Variants in MEGF10 observed in about 807,000 individuals in gnomAD.
MEGF10 encodes multiple EGF like domains 10.
MEGF10 carries 86 observed loss-of-function variants against 147.5 expected under a neutral mutation model. The observed-to-expected ratio is 0.58, with a 90% confidence interval of 0.49 to 0.70. The LOEUF (loss-of-function observed/expected upper bound fraction) is 0.70, where lower values mean the gene tolerates loss of function less well. Among genes scored for constraint, MEGF10 ranks in the 30% least tolerant of loss-of-function variants. The pLI is 0.00. For missense variants in MEGF10, 1,329 were observed against 1,487.3 expected, an observed-to-expected ratio of 0.89 and a Z score of 1.75; for synonymous variants, 478 against 525.5, an observed-to-expected ratio of 0.91 and a Z score of 1.24.
At chr5:127,422,134 C>T (rs1232592686) in intron 12 of MEGF10, among the ~76,000 whole-genome samples, 1 of 152,032 alleles carries the variant, frequency 6.6e-6, no homozygotes. Context: ...ACCGTTGTGT[C>T]AGGCATAAAC....
intron 1 of MEGF10, among the ~76,000 whole-genome samples, chr5:127,322,996 C>A (rs1760851165): frequency 6.6e-6 from 1 of 151,852 alleles, no homozygotes; most frequent in Non-Finnish European, 1.5e-5. Flanking sequence ...TACGCACAAA[C>A]ACACACATTG....
At chr5:127,254,827 G>A in the MEGF10 span, among the ~76,000 whole-genome samples, 1 of 151,168 alleles carries the variant, frequency 6.6e-6, no homozygotes, top group Admixed American at 6.6e-5. Flanking sequence ...AAAAAAAGTT[G>A]CTTTGTTATT....
chr5:127,391,632 C>CT (rs564923653), intron 5 of MEGF10, among the ~76,000 whole-genome samples: 131 of 151,394 alleles, frequency 8.7e-4, no homozygotes, highest in Non-Finnish European at 1.5e-3. Flanking sequence ...ACCATTATCA[C>CT]TGTAAGTATC....
At chr5:127,405,328 C>A (rs964576204) in intron 8 of MEGF10, among the ~76,000 whole-genome samples, 1 of 152,020 alleles carries the variant, frequency 6.6e-6, no homozygotes, top group Non-Finnish European at 1.5e-5. Flanking sequence ...TTGTTGCCTC[C>A]TGCCTCCAAC....
At chr5:127,236,109 A>G in the MEGF10 span, among the ~76,000 whole-genome samples, 1 of 152,038 alleles carries the variant, frequency 6.6e-6, no homozygotes, top group East Asian at 1.9e-4. Flanking sequence ...AGTAGCTGGG[A>G]CTACAGGCAC....
At chr5:127,286,578 T>A (rs1414425747), upstream of MEGF10, among the ~76,000 whole-genome samples, 2 of 151,896 alleles carry the variant, frequency 1.3e-5, no homozygotes, top group East Asian at 1.9e-4. Context: ...ATGGTTACAG[T>A]AATTATTAGA....
chr5:127,448,758 A>G (rs1002194603), intron 21 of MEGF10, among the ~76,000 whole-genome samples: 1 of 151,802 alleles, frequency 6.6e-6, no homozygotes, highest in African/African-American at 2.4e-5. Context: ...ACAAACATAC[A>G]ATTTTTGATG....
At chr5:127,454,636 T>A (rs748819539) in intron 23 of MEGF10, 26 bp downstream of exon 23, 1 of 1,586,808 alleles carries the variant, frequency 6.3e-7, no homozygotes, top group Non-Finnish European at 8.6e-7. Flanking sequence ...GAAGAAGAAA[T>A]CAGAAGCACA....
Position 127,360,862 on chromosome 5 carries a change from G to GTA in MEGF10, c.320-9047_320-9046insAT, listed in dbSNP as rs201793273. ...TATATATGTGTGTATATATATGTGT[G>GTA]TGTATATATATATATATGTTGGAAC... is the stretch of plus-strand genomic sequence containing the variant. On this transcript the variant is annotated intron_variant, in intron 4 of 24. Transcript: ENST00000503335. Among the ~76,000 whole-genome samples, 39 of 151,588 alleles carry GTA rather than the reference G, an allele frequency of 2.6e-4. 1 individual carries two copies. Among genetic ancestry groups the GTA allele is most frequent in the African/African-American group, 7.0e-4 (29 of 41,300 alleles).
At position 127,396,775 on chromosome 5, in the gene MEGF10, C is replaced by T. The variant is rs945019709; in HGVS notation, c.656C>T (p.Ala219Val). The change falls in exon 6 of 25, where the codon GCC becomes GTC. Residue 219 changes from alanine to valine, a missense_variant. Coordinates refer to ENST00000503335, the MANE Select transcript of MEGF10 (RefSeq NM_001256545.2). ...CGCTGCCCACCAGGATACACCGGAG[C>T]CTTGTAAGTCACATGCTGCCCAGCA... ...ECRCPPGYTG[A>V]FCEDLCPPGK... 1.6e-5 allele frequency: 25 copies of T among 1,612,096 alleles called. No individual in the cohort carries two copies. The African/African-American group carries it at 1.9e-4, about 12-fold the overall frequency.
At chr5:127,428,783 G>T (rs544428945) in intron 13 of MEGF10, among the ~76,000 whole-genome samples, 3 of 152,316 alleles carry the variant, frequency 2.0e-5, no homozygotes, top group Non-Finnish European at 2.9e-5. Flanking sequence ...AGGATTTGGG[G>T]TTATATCTAT....
At chr5:127,391,100 G>GCACACACACACACACACACACA (rs1173924866) in intron 5 of MEGF10, among the ~76,000 whole-genome samples, 1 of 40,068 alleles carries the variant, frequency 2.5e-5, no homozygotes, top group African/African-American at 5.5e-5. Flanking sequence ...GCGCGCGCGC[G>GCACACACACACACACACACACA]CGCACACACA....
intron 1 of MEGF10, among the ~76,000 whole-genome samples, chr5:127,317,094 A>G (rs931559118): frequency 6.6e-6 from 1 of 152,232 alleles, no homozygotes; most frequent in African/African-American, 2.4e-5. Flanking sequence ...GGACTCAGAT[A>G]TCTTGAGTCT....
chr5:127,246,999 T>TATATATATATATATATATATATATAC, the MEGF10 span, among the ~76,000 whole-genome samples: 58 of 126,602 alleles, frequency 4.6e-4, no homozygotes, highest in African/African-American at 1.8e-3. Context: ...TATATATATA[T>TATATATATATATATATATATATATAC]ATATATATAG....
At chr5:127,423,748 C>T (rs576219775) in intron 13 of MEGF10, among the ~76,000 whole-genome samples, 6 of 152,034 alleles carry the variant, frequency 3.9e-5, no homozygotes, top group East Asian at 3.9e-4. Flanking sequence ...TTTACTATGG[C>T]GTTATAATCT....
intron 1 of MEGF10, among the ~76,000 whole-genome samples, chr5:127,327,837 C>T (rs1018346590): frequency 2.0e-5 from 3 of 151,914 alleles, no homozygotes; most frequent in African/African-American, 4.8e-5. Context: ...GCCTCAGCCT[C>T]CCAAGTAGCT....
chr5:127,456,342 G>C (rs911041773), intron 24 of MEGF10, among the ~76,000 whole-genome samples: 6 of 152,134 alleles, frequency 3.9e-5, no homozygotes, highest in Non-Finnish European at 7.4e-5. Flanking sequence ...TATTTTGATT[G>C]TCTTTTGCAG....
chr5:127,349,830 G>A (rs974014736), intron 4 of MEGF10, among the ~76,000 whole-genome samples: 1 of 151,972 alleles, frequency 6.6e-6, no homozygotes, highest in Non-Finnish European at 1.5e-5. Context: ...TTCAATGTAA[G>A]ACATATTATT....
At chr5:127,402,479 C>G in intron 7 of MEGF10, 67 bp from the exon 8 acceptor site, 7 of 1,536,486 alleles carry the variant, frequency 4.6e-6, no homozygotes, top group South Asian at 1.3e-5. Context: ...CTCTTTTCTT[C>G]TTCATCCATC....
Sources: gnomAD v4.1 joint callset for allele counts (sites outside exome capture counted in the v4.1 genomes callset) on GRCh38, gnomAD v4.1.1 for gene constraint, MANE v1.5 for transcripts, NCBI Gene and HGNC (gene_info 2026-07-23, HGNC 2026-07-21) for gene names.